Variants in TMEM181 observed in about 807,000 individuals in gnomAD.
TMEM181 encodes G protein-coupled receptor 178.
A neutral mutation model predicts 71.9 loss-of-function variants in TMEM181; 39 were observed. That is an observed-to-expected ratio of 0.54 (90% CI 0.42 to 0.71). The LOEUF is 0.71. Among genes scored for constraint, TMEM181 ranks in the 30% least tolerant of loss-of-function variants. TMEM181 has a pLI of 0.00. For missense variants in TMEM181, 595 were observed against 583.0 expected, an observed-to-expected ratio of 1.02 and a Z score of -0.21; for synonymous variants, 245 against 228.8, an observed-to-expected ratio of 1.07 and a Z score of -0.64.
chr6:158,549,264 C>T (rs533444196), intron 1 of TMEM181, among the ~76,000 whole-genome samples: 19 of 152,050 alleles, frequency 1.2e-4, no homozygotes, highest in African/African-American at 2.7e-4. Flanking sequence ...ACTACAGGTG[C>T]GCCACTATGC....
At chr6:158,587,262 C>A (rs1324993148) in intron 5 of TMEM181, among the ~76,000 whole-genome samples, 1 of 152,218 alleles carries the variant, frequency 6.6e-6, no homozygotes, top group African/African-American at 2.4e-5. Flanking sequence ...TGCACTGTTC[C>A]TTCTTGGATG....
intron 1 of TMEM181, among the ~76,000 whole-genome samples, chr6:158,537,816 T>C (rs762847675): frequency 7.2e-5 from 11 of 152,198 alleles, no homozygotes; most frequent in Non-Finnish European, 8.8e-5. Flanking sequence ...TTCTAAGACC[T>C]ATCCTGTACT....
chr6:158,545,691 G>A (rs1462058056), intron 1 of TMEM181, among the ~76,000 whole-genome samples: 1 of 150,870 alleles, frequency 6.6e-6, no homozygotes, highest in Admixed American at 6.6e-5. Flanking sequence ...TGGTTGTCTT[G>A]TTTTTTAGAG....
exon 1 of TMEM181, chr6:158,536,735 A>C (rs766665439): frequency 6.3e-7 from 1 of 1,575,014 alleles, no homozygotes; most frequent in Admixed American, 1.7e-5. Context: ...GCTGCGCGGC[A>C]TGGACGCCGA....
At chr6:158,559,759 A>G (rs537411059), upstream of TMEM181, among the ~76,000 whole-genome samples, 60 of 152,238 alleles carry the variant, frequency 3.9e-4, no homozygotes, top group Non-Finnish European at 7.3e-4. Context: ...AGACACCCAT[A>G]GTGTTTTCCA....
rs2128335338 is a variant in TMEM181 at position 158,634,053 on chromosome 6, A to AT, written c.*2166dup. ...TAAAACTTTGTCCTATAGTGTAATT[A>AT]TAAACTGATGACTATTATCTTCATA... is the stretch of plus-strand genomic sequence containing the variant. On this transcript the variant is annotated 3_prime_UTR_variant, in exon 17 of 17. Coordinates refer to ENST00000684151, the MANE Select transcript of TMEM181 (RefSeq NM_001376852.1). 1 of 152,364 alleles carries AT rather than the reference A, an allele frequency of 6.6e-6. No homozygotes were observed. The highest frequency in any genetic ancestry group is 2.4e-5 in the African/African-American group (1 of 41,590). 9.4% of individuals were successfully genotyped at this position (152,364 alleles called of 1,614,324 possible).
At chr6:158,601,170 G>T (rs1784650078) in intron 6 of TMEM181, among the ~76,000 whole-genome samples, 1 of 152,052 alleles carries the variant, frequency 6.6e-6, no homozygotes, top group South Asian at 2.1e-4. Context: ...TGATGTTTTG[G>T]GTTTATAGTA....
rs571377053 is a variant in TMEM181, at chr6:158,586,095, C to T, written c.381+670C>T. On this transcript the variant is annotated intron_variant, in intron 5 of 16. Transcript: ENST00000684151. ...CCAAGTACCTGGGCCTCTTGGGCGT[C>T]AGGGGCCTACCTTTTTGAGCATCTA... 7.9e-5 allele frequency among the ~76,000 whole-genome samples: 12 copies of T among 152,308 alleles called. 1 individual carries two copies. In the South Asian group the frequency reaches 1.2e-3, roughly 16 times the overall value.
intron 2 of TMEM181, among the ~76,000 whole-genome samples, chr6:158,573,811 C>A (rs4709218): frequency 6.6e-6 from 1 of 152,176 alleles, no homozygotes; most frequent in Non-Finnish European, 1.5e-5. Context: ...CGTTTCTAAT[C>A]TGCTGTGCAC....
At chr6:158,588,711 G>A (rs1783928312) in intron 5 of TMEM181, among the ~76,000 whole-genome samples, 1 of 152,204 alleles carries the variant, frequency 6.6e-6, no homozygotes, top group Non-Finnish European at 1.5e-5. Context: ...GCCTCCCAAA[G>A]TGCTGGGATT....
In TMEM181 at chr6:158,615,488, A is replaced by C. The variant is rs548045827; in HGVS notation, c.896+6738A>C. 2.0e-5 allele frequency among the ~76,000 whole-genome samples: 3 copies of C among 152,302 alleles called. No homozygotes were observed. In the South Asian group the frequency reaches 6.2e-4, roughly 32 times the overall value. On this transcript the variant is annotated intron_variant, in intron 10 of 16. Transcript: ENST00000684151. The stretch of plus-strand genomic sequence containing the variant: ...TGCTGTGCAGAAGCTCTTTAGTTTA[A>C]TTAGATCCCATATGTCTATTTTGGC...
intron 1 of TMEM181, among the ~76,000 whole-genome samples, chr6:158,545,730 G>C (rs1172329052): frequency 6.6e-6 from 1 of 151,930 alleles, no homozygotes; most frequent in East Asian, 1.9e-4. Context: ...GCCCAGGTTG[G>C]AGTGCAGTGG....
chr6:158,574,835 C>G (rs4709219), intron 2 of TMEM181, among the ~76,000 whole-genome samples: 47,450 of 152,018 alleles, frequency 0.31, 7,848 homozygotes, highest in East Asian at 0.65. Flanking sequence ...CTGAGAAGTC[C>G]AAAGGTCTGC....
At chr6:158,592,977 C>G (rs554993532) in intron 6 of TMEM181, among the ~76,000 whole-genome samples, 23 of 152,216 alleles carry the variant, frequency 1.5e-4, no homozygotes, top group African/African-American at 5.1e-4. Flanking sequence ...TGGCGAAATG[C>G]AAGGACACAA....
chr6:158,625,073 C>G (rs1583054420), intron 11 of TMEM181, 31 bp from the exon 12 acceptor site: 3 of 1,559,610 alleles, frequency 1.9e-6, no homozygotes, highest in South Asian at 2.2e-5. Flanking sequence ...AGGCCCTGTT[C>G]CGACTCAAGT....
intron 6 of TMEM181, among the ~76,000 whole-genome samples, chr6:158,597,021 T>C (rs1368868671): frequency 6.6e-6 from 1 of 152,170 alleles, no homozygotes; most frequent in Non-Finnish European, 1.5e-5. Context: ...CCCAGCGTGT[T>C]CAGATGAGGC....
In TMEM181 at chr6:158,544,182, A is replaced by AGAGAGTGTGTGTGTGTGTGTGT. The variant is rs149735409; in HGVS notation, c.131+7318_131+7319insAGAGTGTGTGTGTGTGTGTGTG. Among the ~76,000 whole-genome samples the AGAGAGTGTGTGTGTGTGTGTGT allele has an allele frequency of 6.3e-3, 799 of 127,626 alleles. 11 individuals are homozygous for AGAGAGTGTGTGTGTGTGTGTGT. The highest frequency in any genetic ancestry group is 0.022 in the African/African-American group (733 of 32,924). 83.7% of individuals were successfully genotyped at this position (127,626 alleles called of 152,430 possible). A position where few individuals can be genotyped will look rare whatever the true frequency, so the allele number is the denominator to read the frequency against. ...GGTTTCTCAGGTGCAAATTGGAGAG[A>AGAGAGTGTGTGTGTGTGTGTGT]GTGTGTGTGTGTGTGTGTGTGTGTG... On this transcript the variant is annotated intron_variant, in intron 1 of 16. Transcript: ENST00000367090.
intron 1 of TMEM181, among the ~76,000 whole-genome samples, chr6:158,540,446 C>G (rs759013909): frequency 6.6e-6 from 1 of 152,190 alleles, no homozygotes; most frequent in African/African-American, 2.4e-5. Flanking sequence ...GGTTGTAATA[C>G]TCCTAAACTG....
chr6:158,600,178 T>C (rs990643868), intron 6 of TMEM181, among the ~76,000 whole-genome samples: 16 of 152,026 alleles, frequency 1.1e-4, no homozygotes, highest in Non-Finnish European at 1.0e-4. Context: ...TGTTAATTTT[T>C]TGTTTTTGAG....
Sources: allele counts gnomAD v4.1 joint callset (sites outside exome capture counted in the v4.1 genomes callset), GRCh38; gene constraint gnomAD v4.1.1; transcripts MANE v1.5; gene names NCBI Gene and HGNC (gene_info 2026-07-23, HGNC 2026-07-21).